Variants in TUBB3 observed in about 807,000 individuals in gnomAD.
TUBB3 encodes the protein tubulin beta-3 chain.
Under a neutral mutation model 37.8 loss-of-function variants are expected in TUBB3, and 17 were observed. That is an observed-to-expected ratio of 0.45 (90% confidence interval 0.31 to 0.67). The LOEUF is 0.67. Ranked by LOEUF, TUBB3 falls within the 30% of genes least tolerant of loss-of-function variation. The pLI, the probability that TUBB3 is intolerant of heterozygous loss-of-function variation, is 0.07. For synonymous variants in TUBB3, 332 were observed against 278.9 expected (o/e 1.19, Z -1.90); for missense variants, 262 against 657.9 (o/e 0.40, Z 6.58).
At chr16:89,923,043 G>A (rs534841730), upstream of TUBB3, among the ~76,000 whole-genome samples, 3 of 152,338 alleles carry the variant, frequency 2.0e-5, no homozygotes, top group African/African-American at 7.2e-5. Context: ...GGGTTCCCAG[G>A]GCCAAGAGGG....
chr16:89,934,416 G>A, intron 3 of TUBB3: 1 of 550,152 alleles, frequency 1.8e-6, no homozygotes, highest in South Asian at 1.5e-5. Flanking sequence ...GGCACTGCCA[G>A]TCGGAAGGAA....
intron 1 of TUBB3, among the ~76,000 whole-genome samples, chr16:89,932,361 G>A (rs1171017136): frequency 2.0e-5 from 3 of 152,214 alleles, no homozygotes; most frequent in East Asian, 1.9e-4. Flanking sequence ...GGCTGTGGTC[G>A]GCCTGGACGT....
intron 1 of TUBB3, 112 bp downstream of exon 1, chr16:89,923,570 G>A (rs2029963225): frequency 6.5e-6 from 7 of 1,076,154 alleles, no homozygotes; most frequent in Middle Eastern, 3.5e-4. Context: ...TGCAACAAAG[G>A]GATGCGCCCA....
chr16:89,923,364 CCGCGCCCGTCCGCAGCCGCCCGCCAGA>C lies in TUBB3; in HGVS notation c.-30_-4del. The C allele has an allele frequency of 6.9e-7, 1 of 1,443,518 alleles. No individual in the cohort carries two copies. Among genetic ancestry groups the C allele is most frequent in the Non-Finnish European group, 9.1e-7 (1 of 1,093,210 alleles). The allele number at this position is 1,443,518 out of a possible 1,614,324, so 89.4% of individuals were successfully genotyped here. ...ACCCTCAGCAGCCAGCCCGGCCCGC[CCGCGCCCGTCCGCAGCCGCCCGCCAGA>C]CGCGCCCAGTATGAGGGAGATCGTG... is the stretch of plus-strand genomic sequence containing the variant. On this transcript the variant is annotated 5_prime_UTR_variant, in exon 1 of 4. Coordinates refer to ENST00000315491, the MANE Select transcript of TUBB3 (RefSeq NM_006086.4).
Position 89,933,388 on chromosome 16 carries a change from C to G in TUBB3, c.167-80C>G. On this transcript the variant is annotated intron_variant, in intron 2 of 3. Transcript: ENST00000315491. Reference sequence around the variant, plus strand: ...AGGATGTGAGCAGGAGGATGGCAGGCGGGCACAGAATTCAGAAAGAATGAG... The same window carrying G: ...AGGATGTGAGCAGGAGGATGGCAGGGGGGCACAGAATTCAGAAAGAATGAG... The G allele has an allele frequency of 2.6e-6, 3 of 1,165,314 alleles. No homozygotes were observed. In the South Asian group the frequency reaches 3.6e-5, roughly 14 times the overall value. The allele number at this position is 1,165,314 out of a possible 1,614,324, so 72.2% of individuals were successfully genotyped here.
chr16:89,923,941 C>T (rs2029976230), intron 1 of TUBB3, among the ~76,000 whole-genome samples: 1 of 152,158 alleles, frequency 6.6e-6, no homozygotes, highest in Non-Finnish European at 1.5e-5. Flanking sequence ...CTAGAGCCGC[C>T]CCGATTTCCC....
At chr16:89,925,669 G>A (rs1206087470) in intron 1 of TUBB3, among the ~76,000 whole-genome samples, 2 of 152,114 alleles carry the variant, frequency 1.3e-5, no homozygotes, top group South Asian at 2.1e-4. Context: ...GGGCGGGGGC[G>A]GCAAGAGCGT....
chr16:89,932,536 C>T lies in TUBB3; in HGVS notation c.58-35C>T, dbSNP rs201557416. The T allele has an allele frequency of 1.6e-5, 25 of 1,576,742 alleles. No individual in the cohort carries two copies. In the Middle Eastern group the frequency reaches 5.0e-4, roughly 32 times the overall value. On this transcript the variant is annotated intron_variant, in intron 1 of 3. Coordinates refer to ENST00000315491, the MANE Select transcript of TUBB3 (RefSeq NM_006086.4). Reference sequence around the variant, plus strand: ...AAAGGGCCTGGCTGGGGCTATGGGCCGGTGCCGACCCCCCCTCTCCCACTT... The same window carrying T: ...AAAGGGCCTGGCTGGGGCTATGGGCTGGTGCCGACCCCCCCTCTCCCACTT...
intron 2 of TUBB3, chr16:89,933,231 G>C (rs565116983): frequency 1.8e-4 from 123 of 691,100 alleles, no homozygotes; most frequent in Non-Finnish European, 2.8e-4. Context: ...TCTGGTGGAC[G>C]TCTGACTGAA....
At chr16:89,932,250 G>C in intron 1 of TUBB3, 1 of 440,188 alleles carries the variant, frequency 2.3e-6, no homozygotes, top group Admixed American at 3.5e-5. Context: ...TATTACCAAT[G>C]CCCTTCATGG....
At chr16:89,923,255 G>A (rs1347359738), upstream of TUBB3, 11 of 436,004 alleles carry the variant, frequency 2.5e-5, no homozygotes, top group South Asian at 1.7e-4. Context: ...CTGCGGCGGC[G>A]CCTCCCGATT....
At chr16:89,927,624 T>C (rs1597420399) in intron 1 of TUBB3, among the ~76,000 whole-genome samples, 1 of 152,192 alleles carries the variant, frequency 6.6e-6, no homozygotes, top group African/African-American at 2.4e-5. Context: ...TTAAATAGTA[T>C]CTAAAACATT....
In TUBB3 at chr16:89,933,596, C is replaced by T. The variant is rs775890187; in HGVS notation, c.277+18C>T. 2 of 1,600,024 alleles carry T rather than the reference C, an allele frequency of 1.2e-6. No individual in the cohort carries two copies. Among genetic ancestry groups the T allele is most frequent in the Admixed American group, 1.7e-5 (1 of 59,994 alleles). On this transcript the variant is annotated intron_variant, in intron 3 of 3. Coordinates refer to ENST00000315491, the MANE Select transcript of TUBB3 (RefSeq NM_006086.4). ...CATCTTTGGTAAGTTCCCCCTGCTC[C>T]AAGCTCTGATGGCAGACCCCATCAC...
At chr16:89,929,421 C>T (rs1335744686) in intron 1 of TUBB3, among the ~76,000 whole-genome samples, 2 of 152,206 alleles carry the variant, frequency 1.3e-5, no homozygotes, top group African/African-American at 4.8e-5. Flanking sequence ...ATAACAGTCT[C>T]AGGGTGAACG....
At position 89,935,468 on chromosome 16, in the gene TUBB3, C is replaced by G; in HGVS notation, c.1017C>G (p.Ser339Arg). The change falls in exon 4 of 4, where the codon AGC becomes AGG. Residue 339 changes from serine to arginine, a missense_variant. Ser to Arg is a moderately radical substitution (Grantham distance 110). This residue lies in a region of TUBB3 where 165 missense variants were observed against 556.8 expected (regional missense o/e 0.30). Coordinates refer to ENST00000315491, the MANE Select transcript of TUBB3 (RefSeq NM_006086.4). ...TGGCCATCCAGAGCAAGAACAGCAGCTACTTCGTGGAGTGGATCCCCAACA... is the reference window on the plus strand; with the variant it reads ...TGGCCATCCAGAGCAAGAACAGCAGGTACTTCGTGGAGTGGATCCCCAACA... ...QMLAIQSKNS[S>R]YFVEWIPNNV... is the part of the protein sequence containing the mutation. The G allele has an allele frequency of 6.2e-7, 1 of 1,614,248 alleles. No individual in the cohort carries two copies. The highest frequency in any genetic ancestry group is 1.3e-5 in the African/African-American group (1 of 75,074).
At chr16:89,932,800 A>T in intron 2 of TUBB3, 121 bp downstream of exon 2, 1 of 803,400 alleles carries the variant, frequency 1.2e-6, no homozygotes, top group Non-Finnish European at 2.1e-6. Context: ...CCCATGGGTT[A>T]GGTTGGCTGA....
rs1224233753 is a variant in TUBB3, at chr16:89,932,700, C to T, written c.166+21C>T. The T allele has an allele frequency of 3.8e-6, 6 of 1,597,694 alleles. No homozygotes were observed. In the Admixed American group the frequency reaches 6.7e-5, roughly 18 times the overall value. ...CTCTTGTGAGTGCCTGCCCCAGCCT[C>T]CCTATCCCAGCCCTGGACTGACCAG... On this transcript the variant is annotated intron_variant, in intron 2 of 3. Transcript: ENST00000315491.
At position 89,935,917 on chromosome 16, in the gene TUBB3, C is replaced by T; in HGVS notation, c.*113C>T. ...ACCCTGCTTTCCCCTCGCCCTAGGG[C>T]TCCCTTGCCGCCCTCCTGCAGTATT... is the stretch of plus-strand genomic sequence containing the variant. On this transcript the variant is annotated 3_prime_UTR_variant, in exon 4 of 4. Transcript: ENST00000315491. 7.3e-7 allele frequency: 1 copy of T among 1,364,826 alleles called. No individual in the cohort carries two copies. Among genetic ancestry groups the T allele is most frequent in the South Asian group, 1.4e-5 (1 of 70,158 alleles). The allele number at this position is 1,364,826 out of a possible 1,614,324, so 84.5% of individuals were successfully genotyped here. A position where few individuals can be genotyped will look rare whatever the true frequency, so the allele number is the denominator to read the frequency against.
rs375770255 is a variant in TUBB3 at position 89,935,387 on chromosome 16, G to C, written c.936G>C (p.Thr312=). 1.2e-6 allele frequency: 2 copies of C among 1,614,038 alleles called. No individual in the cohort carries two copies. The highest frequency in any genetic ancestry group is 1.3e-5 in the African/African-American group (1 of 74,948). The change falls in exon 4 of 4, where the codon ACG becomes ACC. Residue 312 remains threonine (T), a synonymous_variant. Transcript: ENST00000315491. The part of the protein sequence containing the change: ...ACDPRHGRYL[T]VATVFRGRMS... ...ACCCGCGCCACGGCCGCTACCTGAC[G>C]GTGGCCACCGTGTTCCGGGGCCGCA...
Sources: allele counts gnomAD v4.1 joint callset (sites outside exome capture counted in the v4.1 genomes callset), GRCh38; gene constraint gnomAD v4.1.1; regional missense constraint gnomAD v4.1.1; transcripts MANE v1.5; gene names NCBI Gene and HGNC (gene_info 2026-07-23, HGNC 2026-07-21).